Variants in RGS6 observed in about 807,000 individuals in gnomAD.
RGS6 encodes regulator of G-protein signaling 6.
A neutral mutation model predicts 78.5 loss-of-function variants in RGS6; 30 were observed. That is an observed-to-expected ratio of 0.38 (90% CI 0.29 to 0.52). The LOEUF is 0.52. RGS6 is among the 20% of genes least tolerant of loss of function. The pLI is 0.85. For missense variants in RGS6, 495 were observed against 609.7 expected (o/e 0.81, Z 1.98); for synonymous variants, 206 against 206.0 (o/e 1.00, Z 0.00).
chr14:72,533,579 A>C (rs1383424653), intron 15 of RGS6, among the ~76,000 whole-genome samples: 1 of 152,250 alleles, frequency 6.6e-6, no homozygotes, highest in Non-Finnish European at 1.5e-5. Context: ...CCCTTCTAGA[A>C]AGGAGTCACC....
At chr14:72,391,149 A>G (rs1461405212) in intron 3 of RGS6, among the ~76,000 whole-genome samples, 1 of 152,270 alleles carries the variant, frequency 6.6e-6, no homozygotes, top group Non-Finnish European at 1.5e-5. Flanking sequence ...AAACTAAGCC[A>G]TAATGCATGA....
chr14:72,504,351 A>G (rs2096768582), intron 13 of RGS6, among the ~76,000 whole-genome samples: 1 of 152,276 alleles, frequency 6.6e-6, no homozygotes, highest in African/African-American at 2.4e-5. Flanking sequence ...GTAGTCAGGA[A>G]GAGCCAACCT....
intron 2 of RGS6, among the ~76,000 whole-genome samples, chr14:72,216,250 G>A (rs892860408): frequency 1.4e-4 from 21 of 152,298 alleles, no homozygotes; most frequent in African/African-American, 4.1e-4. Flanking sequence ...CTCAGGCCTC[G>A]TCCAGAGCAG....
At chr14:72,103,327 G>A (rs74381928) in intron 2 of RGS6, among the ~76,000 whole-genome samples, 2,294 of 152,214 alleles carry the variant, frequency 0.015, 56 homozygotes, top group African/African-American at 0.052. Flanking sequence ...AGGAAGAAAA[G>A]CAAAACCCTC....
chr14:72,081,166 A>T (rs2094806306), intron 2 of RGS6, among the ~76,000 whole-genome samples: 1 of 152,046 alleles, frequency 6.6e-6, no homozygotes, highest in African/African-American at 2.4e-5. Context: ...CTTTCCATAC[A>T]TGTGTGTCTT....
intron 2 of RGS6, among the ~76,000 whole-genome samples, chr14:72,319,512 C>T (rs781417000): frequency 3.6e-4 from 54 of 152,020 alleles, no homozygotes; most frequent in Non-Finnish European, 5.9e-4. Context: ...CCACCATGCC[C>T]GGCTAATTTT....
At chr14:71,935,785 T>A (rs1225161767) in intron 1 of RGS6, among the ~76,000 whole-genome samples, 1 of 151,986 alleles carries the variant, frequency 6.6e-6, no homozygotes, top group Non-Finnish European at 1.5e-5. Flanking sequence ...CTAATTAAGC[T>A]AATGACGTAT....
chr14:72,344,618 C>T (rs964026547), intron 2 of RGS6, among the ~76,000 whole-genome samples: 13 of 152,138 alleles, frequency 8.5e-5, no homozygotes, highest in African/African-American at 3.1e-4. Flanking sequence ...TGTATTCATT[C>T]GTTCATTGAT....
chr14:72,172,728 T>G lies in RGS6; in HGVS notation c.85-179367T>G, dbSNP rs182798976. 4.8e-4 allele frequency among the ~76,000 whole-genome samples: 73 copies of G among 152,282 alleles called. 1 individual carries two copies. The highest frequency in any genetic ancestry group is 9.6e-4 in the Non-Finnish European group (65 of 68,020). ...TCAGTGGATTTTTATTGAGTGCCAATTGTGTGCCAGGCAGTGGCATTACAA... is the reference window on the plus strand; with the variant it reads ...TCAGTGGATTTTTATTGAGTGCCAAGTGTGTGCCAGGCAGTGGCATTACAA... On this transcript the variant is annotated intron_variant, in intron 2 of 17. Coordinates refer to ENST00000553525, the MANE Select transcript of RGS6 (RefSeq NM_001204424.2).
At chr14:72,511,171 CTCTT>C (rs1358959163) in intron 14 of RGS6, among the ~76,000 whole-genome samples, 4 of 152,140 alleles carry the variant, frequency 2.6e-5, no homozygotes, top group African/African-American at 4.8e-5. Context: ...TGGAATCTCT[CTCTT>C]TCTTTTTTCT....
In RGS6 at chr14:72,210,376, C is replaced by G. The variant is rs377092358; in HGVS notation, c.85-141719C>G. Among the ~76,000 whole-genome samples, 159 of 152,270 alleles carry G rather than the reference C, an allele frequency of 1.0e-3. 1 individual carries two copies. Among genetic ancestry groups the G allele is most frequent in the African/African-American group, 3.8e-3 (156 of 41,544 alleles). ...TTCACCTACATTTGGTCTCCACAAG[C>G]CTTCCTTTCATCGTCAGATTTGTCC... On this transcript the variant is annotated intron_variant, in intron 2 of 17. Coordinates refer to ENST00000553525, the MANE Select transcript of RGS6 (RefSeq NM_001204424.2).
intron 3 of RGS6, among the ~76,000 whole-genome samples, chr14:72,431,326 A>G (rs989991319): frequency 2.6e-5 from 4 of 152,096 alleles, no homozygotes; most frequent in Admixed American, 6.6e-5. Flanking sequence ...GAAATCTGCT[A>G]TCTTAACAAG....
intron 3 of RGS6, among the ~76,000 whole-genome samples, chr14:72,383,177 CATATATATAT>C (rs35175623): frequency 0.04 from 2,850 of 71,034 alleles, 151 homozygotes; most frequent in African/African-American, 0.11. Context: ...AAAAATTGTA[CATATATATAT>C]ATATATATAT....
At chr14:72,576,917 A>C in the RGS6 span, among the ~76,000 whole-genome samples, 2 of 152,204 alleles carry the variant, frequency 1.3e-5, no homozygotes, top group Non-Finnish European at 2.9e-5. Context: ...TGTGCCTTTC[A>C]GGTGAAGTAA....
chr14:72,274,186 A>G (rs1190298816), intron 2 of RGS6, among the ~76,000 whole-genome samples: 1 of 152,190 alleles, frequency 6.6e-6, no homozygotes, highest in Non-Finnish European at 1.5e-5. Context: ...GACCAGGACC[A>G]CGTACTAGGA....
In RGS6 at chr14:72,270,373, G is replaced by A. The variant is rs538143840; in HGVS notation, c.85-81722G>A. ...AGAGAAAGAAAGAGGAAATAAAACA[G>A]CATAATCCCAGGAACTGCCAATAGG... On this transcript the variant is annotated intron_variant, in intron 2 of 17. Transcript: ENST00000553525. Among the ~76,000 whole-genome samples, 4 of 152,318 alleles carry A rather than the reference G, an allele frequency of 2.6e-5. No homozygotes were observed. In the South Asian group the frequency reaches 6.2e-4, roughly 24 times the overall value.
At chr14:72,299,616 A>G (rs1022389269) in intron 2 of RGS6, among the ~76,000 whole-genome samples, 8 of 152,192 alleles carry the variant, frequency 5.3e-5, no homozygotes, top group Admixed American at 1.3e-4. Flanking sequence ...GAGGATTTCA[A>G]TTTCTCTGCA....
chr14:72,352,104 A>G lies in RGS6; in HGVS notation c.94A>G (p.Ile32Val), dbSNP rs142585378. The change falls in exon 3 of 18, where the codon ATC (isoleucine) becomes GTC (valine). Residue 32 changes from isoleucine (I) to valine (V), a missense_variant. By Grantham distance (29) the Ile-to-Val change is conservative. Transcript: ENST00000553525. ...NMIVYCKIED[I>V]ITKMQDDKTG... ...CTTTAACCTCTTTCAGATTGAAGAC[A>G]TCATTACAAAGATGCAAGATGACAA... The G allele has an allele frequency of 9.9e-6, 16 of 1,611,906 alleles. No homozygotes were observed. The highest frequency in any genetic ancestry group is 1.4e-5 in the Non-Finnish European group (16 of 1,178,912).
At chr14:72,548,342 T>TGTGTGTGTGTGTGTGTGC (rs796698263) in intron 17 of RGS6, among the ~76,000 whole-genome samples, 1 of 134,744 alleles carries the variant, frequency 7.4e-6, no homozygotes, top group African/African-American at 3.2e-5. Flanking sequence ...TGTGTGTGTG[T>TGTGTGTGTGTGTGTGTGC]GCGCGCGTGT....
Sources: allele counts gnomAD v4.1 joint callset (sites outside exome capture counted in the v4.1 genomes callset), GRCh38; gene constraint gnomAD v4.1.1; transcripts MANE v1.5; gene names NCBI Gene and HGNC (gene_info 2026-07-23, HGNC 2026-07-21).